The following MAP3K5 variants were observed in gnomAD, a reference collection of about 807,000 sequenced individuals.
MAP3K5 encodes the protein mitogen-activated protein kinase kinase kinase 5.
Under a neutral mutation model 158.7 loss-of-function variants are expected in MAP3K5, and 56 were observed. The observed-to-expected ratio is 0.35, with a 90% CI of 0.28 to 0.44. MAP3K5 has a LOEUF of 0.44. Among genes scored for constraint, MAP3K5 ranks in the 20% least tolerant of loss-of-function variants. The pLI is 1.00. For missense variants in MAP3K5, 1,294 were observed against 1,674.8 expected, an observed-to-expected ratio of 0.77 and a Z score of 3.97; for synonymous variants, 579 against 601.7, an observed-to-expected ratio of 0.96 and a Z score of 0.55.
chr6:136,602,794 T>A (rs1385310423), intron 19 of MAP3K5, among the ~76,000 whole-genome samples: 1 of 152,218 alleles, frequency 6.6e-6, no homozygotes, highest in African/African-American at 2.4e-5. Context: ...AGATCTGGGA[T>A]TTGAACCTGA....
intron 1 of MAP3K5, among the ~76,000 whole-genome samples, chr6:136,780,459 AAT>A (rs113929902): frequency 1.3e-5 from 2 of 152,204 alleles, no homozygotes; most frequent in African/African-American, 4.8e-5. Context: ...AACCAGTTTT[AAT>A]ATCTTTCTGG....
Position 136,591,059 on chromosome 6 carries a change from C to CA in MAP3K5, c.3225+1113dup, listed in dbSNP as rs1045260127. On this transcript the variant is annotated intron_variant, in intron 23 of 29. Transcript: ENST00000359015. ...AGTCTCATGAGATCTGATGGTTTTACAAATGGGAATTCCCCTGCACAAGCT... is the reference window on the plus strand; with the variant it reads ...AGTCTCATGAGATCTGATGGTTTTACAAAATGGGAATTCCCCTGCACAAGCT... Among the ~76,000 whole-genome samples the CA allele has an allele frequency of 3.9e-5, 6 of 152,152 alleles. No individual in the cohort carries two copies. In the East Asian group the frequency reaches 1.2e-3, roughly 29 times the overall value.
intron 11 of MAP3K5, among the ~76,000 whole-genome samples, chr6:136,647,392 C>G (rs1304710062): frequency 6.6e-6 from 1 of 152,174 alleles, no homozygotes; most frequent in Non-Finnish European, 1.5e-5. Context: ...GAAGCGCATG[C>G]CTAGGCCACG....
At chr6:136,735,976 C>T (rs1234504141) in intron 1 of MAP3K5, among the ~76,000 whole-genome samples, 3 of 152,094 alleles carry the variant, frequency 2.0e-5, no homozygotes, top group Non-Finnish European at 4.4e-5. Flanking sequence ...GTAAGAAACA[C>T]TATACCATTA....
chr6:136,631,706 T>C (rs1307172840), intron 14 of MAP3K5, among the ~76,000 whole-genome samples: 3 of 152,034 alleles, frequency 2.0e-5, no homozygotes, highest in Non-Finnish European at 4.4e-5. Flanking sequence ...GTAATTGTGG[T>C]TTTTGCCATT....
At chr6:136,580,932 A>C (rs1439624514) in intron 24 of MAP3K5, among the ~76,000 whole-genome samples, 2 of 152,044 alleles carry the variant, frequency 1.3e-5, no homozygotes, top group African/African-American at 2.4e-5. Flanking sequence ...CTCCCGCCTC[A>C]GCCTCCCAAA....
intron 1 of MAP3K5, among the ~76,000 whole-genome samples, chr6:136,726,341 T>C (rs1025840246): frequency 5.3e-5 from 8 of 152,184 alleles, no homozygotes; most frequent in Non-Finnish European, 8.8e-5. Flanking sequence ...ACCTGTAATC[T>C]CAACACTTTG....
chr6:136,609,720 G>C lies in MAP3K5; in HGVS notation c.2521+1562C>G, dbSNP rs942825300. ...GAGGTAGGAGAATCACTTGAGCCCG[G>C]GGTAGGGGAGGTCACAGTGAGCAGA... On this transcript the variant is annotated intron_variant, in intron 18 of 29. Coordinates refer to ENST00000359015, the MANE Select transcript of MAP3K5 (RefSeq NM_005923.4). This position sits in a 1 kb window ranked among gnomAD's most constrained non-coding sequence, Gnocchi z 4.4. Among the ~76,000 whole-genome samples, 4 of 151,790 alleles carry C rather than the reference G, an allele frequency of 2.6e-5. No individual in the cohort carries two copies. Among genetic ancestry groups the C allele is most frequent in the African/African-American group, 9.7e-5 (4 of 41,308 alleles).
At chr6:136,627,478 C>T (rs1376072446) in intron 14 of MAP3K5, among the ~76,000 whole-genome samples, 1 of 152,196 alleles carries the variant, frequency 6.6e-6, no homozygotes, top group Non-Finnish European at 1.5e-5. Context: ...TAAATGCCTG[C>T]TATGGTCTGA....
intron 21 of MAP3K5, among the ~76,000 whole-genome samples, chr6:136,597,185 G>C (rs1311990279): frequency 1.3e-5 from 2 of 152,206 alleles, no homozygotes; most frequent in Admixed American, 6.5e-5. Flanking sequence ...GAAGGGGTGT[G>C]AGCCCCATAT....
intron 15 of MAP3K5, among the ~76,000 whole-genome samples, chr6:136,620,321 C>T (rs1223222182): frequency 6.6e-6 from 1 of 152,180 alleles, no homozygotes; most frequent in East Asian, 1.9e-4. Context: ...GGGTTACATA[C>T]TCACTACCTA....
chr6:136,594,990 A>G (rs924461809), intron 21 of MAP3K5, among the ~76,000 whole-genome samples: 2 of 152,172 alleles, frequency 1.3e-5, no homozygotes, highest in Non-Finnish European at 2.9e-5. Context: ...AAGGAGGCCT[A>G]ATGAGGTAAA....
chr6:136,616,243 C>G (rs1776555905), intron 15 of MAP3K5, among the ~76,000 whole-genome samples: 1 of 150,626 alleles, frequency 6.6e-6, no homozygotes, highest in Non-Finnish European at 1.5e-5. Context: ...AGGGTATTTA[C>G]AAGTTGCTTC....
In MAP3K5 at chr6:136,613,012, C is replaced by T; in HGVS notation, c.2415+108G>A. The T allele has an allele frequency of 9.6e-7, 1 of 1,040,302 alleles. No individual in the cohort carries two copies. The highest frequency in any genetic ancestry group is 1.4e-6 in the Non-Finnish European group (1 of 734,014). The allele number at this position is 1,040,302 out of a possible 1,614,324, so 64.4% of individuals were successfully genotyped here. On this transcript the variant is annotated intron_variant, in intron 17 of 29. Coordinates refer to ENST00000359015, the MANE Select transcript of MAP3K5 (RefSeq NM_005923.4). This position sits in a 1 kb window ranked among gnomAD's most constrained non-coding sequence, Gnocchi z 4.0. ...ATATTTCTGCTGTTTCTAAGATTTA[C>T]TTATTCACCATTCTAAATTAATACT...
chr6:136,738,750 T>TACCA lies in MAP3K5; in HGVS notation c.449-18165_449-18162dup, dbSNP rs529916106. 4.1e-4 allele frequency among the ~76,000 whole-genome samples: 62 copies of TACCA among 152,220 alleles called. No individual in the cohort carries two copies. The South Asian group carries it at 0.013, about 32-fold the overall frequency. ...GAAGTGCTGGTGAGAACAGTCAGGG[T>TACCA]ACCACATACAGCTAGCTCTACTTGG... is the stretch of plus-strand genomic sequence containing the variant. On this transcript the variant is annotated intron_variant, in intron 1 of 29. Coordinates refer to ENST00000359015, the MANE Select transcript of MAP3K5 (RefSeq NM_005923.4).
chr6:136,685,119 C>A (rs1039972534), intron 7 of MAP3K5, among the ~76,000 whole-genome samples: 5 of 151,558 alleles, frequency 3.3e-5, no homozygotes, highest in Admixed American at 1.3e-4. Context: ...TCAGGATCAG[C>A]CTGGGCAACA....
chr6:136,737,020 C>CATATATATATGTGTGTATATATATATAT (rs1562658730), intron 1 of MAP3K5, among the ~76,000 whole-genome samples: 77 of 78,650 alleles, frequency 9.8e-4, no homozygotes, highest in African/African-American at 4.5e-3. Flanking sequence ...ATTAATTTTA[C>CATATATATATGTGTGTATATATATATAT]ATATATATAT....
intron 1 of MAP3K5, among the ~76,000 whole-genome samples, chr6:136,742,879 T>G (rs1393539157): frequency 6.6e-6 from 1 of 152,176 alleles, no homozygotes; most frequent in Non-Finnish European, 1.5e-5. Context: ...GATATACAGA[T>G]AGCAAGTAAG....
chr6:136,687,327 G>GA (rs1483988858), intron 7 of MAP3K5, among the ~76,000 whole-genome samples: 1 of 152,116 alleles, frequency 6.6e-6, no homozygotes, highest in Non-Finnish European at 1.5e-5. Flanking sequence ...AACCCTAGAA[G>GA]AAAACCTAGG....
Sources: gnomAD v4.1 joint callset for allele counts (sites outside exome capture counted in the v4.1 genomes callset) on GRCh38, gnomAD v4.1.1 for gene constraint, Gnocchi (gnomAD v3.1) non-coding constraint, MANE v1.5 for transcripts, NCBI Gene and HGNC (gene_info 2026-07-23, HGNC 2026-07-21) for gene names.